TCF4: variants seen among roughly 807,000 people sequenced by gnomAD.
TCF4 encodes the protein transcription factor 4, also known as SL3-3 enhancer factor 2.
Under a neutral mutation model 82.1 loss-of-function variants are expected in TCF4, and 3 were observed. The observed-to-expected ratio is 0.04, with a 90% CI of 0.02 to 0.09. The LOEUF (loss-of-function observed/expected upper bound fraction) is 0.09, where lower values mean the gene tolerates loss of function less well. Ranked by LOEUF, TCF4 falls within the 10% of genes least tolerant of loss-of-function variation. TCF4 has a pLI of 1.00. For synonymous variants in TCF4, 276 were observed against 309.6 expected (o/e 0.89, Z 1.14); for missense variants, 518 against 852.7 (o/e 0.61, Z 4.89).
In TCF4 at chr18:55,293,931, CTTTTTTTTTTTTT is replaced by C. The variant is rs781150808; in HGVS notation, c.550-14288_550-14276del. The stretch of plus-strand genomic sequence containing the variant: ...TTTCATCTTCTAAACTTTCCAAGGA[CTTTTTTTTTTTTT>C]TTTTTTTTTTTTTTTTTTTAGAATT... On this transcript the variant is annotated intron_variant, in intron 8 of 19. Transcript: ENST00000354452. Among the ~76,000 whole-genome samples, 18 of 40,058 alleles carry C rather than the reference CTTTTTTTTTTTTT, an allele frequency of 4.5e-4. 1 individual carries two copies. Among genetic ancestry groups the C allele is most frequent in the South Asian group, 3.4e-3 (2 of 588 alleles). 26.3% of individuals were successfully genotyped at this position (40,058 alleles called of 152,430 possible).
chr18:55,510,259 G>C (rs995262309), intron 3 of TCF4, among the ~76,000 whole-genome samples: 4 of 152,132 alleles, frequency 2.6e-5, no homozygotes, highest in Non-Finnish European at 5.9e-5. Flanking sequence ...AGAGGATCCA[G>C]AATGGTTTCC....
intron 3 of TCF4, among the ~76,000 whole-genome samples, chr18:55,535,539 T>C (rs2097107356): frequency 6.6e-6 from 1 of 152,224 alleles, no homozygotes; most frequent in Admixed American, 6.5e-5. Flanking sequence ...CTACCAAGCT[T>C]TAAAAATTAG....
chr18:55,606,651 G>T (rs891923864), intron 2 of TCF4, among the ~76,000 whole-genome samples: 2 of 152,022 alleles, frequency 1.3e-5, no homozygotes, highest in Non-Finnish European at 2.9e-5. Context: ...CTTAAGCAGG[G>T]TAAATATTTT....
chr18:55,347,983 A>G (rs1241906252), intron 8 of TCF4, among the ~76,000 whole-genome samples: 1 of 152,154 alleles, frequency 6.6e-6, no homozygotes, highest in Non-Finnish European at 1.5e-5. Context: ...TCTCTTATCA[A>G]ATAGTCATAA....
Position 55,275,275 on chromosome 18 carries a change from G to GGAAAAAAAAAAAAAAAAA in TCF4, c.789+343_789+344insTTTTTTTTTTTTTTTTTC, listed in dbSNP as rs1555795909. On this transcript the variant is annotated intron_variant, in intron 10 of 19. Coordinates refer to ENST00000354452, the MANE Select transcript of TCF4 (RefSeq NM_001083962.2). The stretch of plus-strand genomic sequence containing the variant: ...AGTACATCTTTTGAAACTACAGATA[G>GGAAAAAAAAAAAAAAAAA]AAAAAAAAAAAAAAAAAAAAAAACC... Among the ~76,000 whole-genome samples, 2 of 71,376 alleles carry GGAAAAAAAAAAAAAAAAA rather than the reference G, an allele frequency of 2.8e-5. 1 individual carries two copies. The highest frequency in any genetic ancestry group is 1.0e-4 in the African/African-American group (2 of 19,406). 46.8% of individuals were successfully genotyped at this position (71,376 alleles called of 152,430 possible).
At chr18:55,376,836 C>T (rs1309292966) in intron 6 of TCF4, among the ~76,000 whole-genome samples, 1 of 152,152 alleles carries the variant, frequency 6.6e-6, no homozygotes, top group Admixed American at 6.6e-5. Context: ...TTTCTGCCAC[C>T]AAAATAATTA....
intron 3 of TCF4, among the ~76,000 whole-genome samples, chr18:55,483,446 C>T (rs2096470271): frequency 6.6e-6 from 1 of 152,212 alleles, no homozygotes; most frequent in Non-Finnish European, 1.5e-5. Flanking sequence ...GTCCTCTTAA[C>T]ACATTGAAAC....
At chr18:55,626,446 A>T (rs181313293) in intron 2 of TCF4, among the ~76,000 whole-genome samples, 530 of 152,364 alleles carry the variant, frequency 3.5e-3, no homozygotes, top group Middle Eastern at 0.017. Context: ...GCTGTTAAAA[A>T]GTTGAGGACA....
chr18:55,234,430 A>G (rs1293489596), intron 16 of TCF4, 118 bp downstream of exon 16: 17 of 1,449,034 alleles, frequency 1.2e-5, no homozygotes, highest in Non-Finnish European at 1.4e-5. Flanking sequence ...TTTTGTGCCC[A>G]ATTTGATTCC....
Position 55,464,141 on chromosome 18 carries a change from G to A in TCF4, c.146-4C>T. ...GAGCTACTTCTGTCTTCTACATCTA[G>A]GGACAAGAGAAAAGTTCTTTAGGCT... On this transcript the variant is annotated splice_region_variant and splice_polypyrimidine_tract_variant and intron_variant, in intron 3 of 19. Transcript: ENST00000354452. The A allele has an allele frequency of 1.9e-6, 3 of 1,613,878 alleles. No homozygotes were observed. The highest frequency in any genetic ancestry group is 2.2e-5 in the East Asian group (1 of 44,872).
chr18:55,295,792 C>T (rs894000239), intron 8 of TCF4, among the ~76,000 whole-genome samples: 7 of 152,142 alleles, frequency 4.6e-5, no homozygotes, highest in African/African-American at 1.4e-4. Flanking sequence ...GCCATGCTCA[C>T]CCCTGCTTCC....
At chr18:55,494,756 C>T (rs964184697) in intron 3 of TCF4, among the ~76,000 whole-genome samples, 4 of 152,070 alleles carry the variant, frequency 2.6e-5, no homozygotes, top group Admixed American at 6.6e-5. Context: ...TACATGGAAG[C>T]CTTACCAGTA....
intron 17 of TCF4, chr18:55,229,853 A>G (rs2047379101): frequency 6.6e-6 from 1 of 152,282 alleles, no homozygotes; most frequent in South Asian, 2.1e-4. Context: ...GATTCAACAA[A>G]CCAAACACCT....
rs1439634365 is a variant in TCF4, at chr18:55,431,148, A to G, written c.305-27630T>C. On this transcript the variant is annotated intron_variant, in intron 5 of 19. Coordinates refer to ENST00000354452, the MANE Select transcript of TCF4 (RefSeq NM_001083962.2). ...ACATTTTCTTCTAAGACATGGGGGA[A>G]AAAGGAGCCAGTTGGAGTTTAGTTG... Among the ~76,000 whole-genome samples the G allele has an allele frequency of 3.3e-5, 5 of 152,238 alleles. No homozygotes were observed. In the South Asian group the frequency reaches 8.3e-4, roughly 25 times the overall value.
At chr18:55,302,465 C>G (rs1354313245) in intron 8 of TCF4, 5 of 1,536,106 alleles carry the variant, frequency 3.3e-6, no homozygotes, top group Non-Finnish European at 4.4e-6. Context: ...ATCTGAGCAT[C>G]TGCATTGTTT....
chr18:55,523,655 T>C (rs1395425073), intron 3 of TCF4, among the ~76,000 whole-genome samples: 3 of 152,144 alleles, frequency 2.0e-5, no homozygotes, highest in South Asian at 4.1e-4. Flanking sequence ...CTGCAATACA[T>C]AGTATCTCTT....
At chr18:55,300,919 A>G (rs1487513536) in intron 8 of TCF4, among the ~76,000 whole-genome samples, 1 of 152,162 alleles carries the variant, frequency 6.6e-6, no homozygotes, top group Non-Finnish European at 1.5e-5. Flanking sequence ...CGAAGGCAAA[A>G]GGTCACTCTG....
In TCF4 at chr18:55,414,246, A is replaced by T. The variant is rs111753594; in HGVS notation, c.305-10728T>A. ...AGTAAGTAAAGACTATTAAGTAAAA[A>T]TTTATATCATTTATCCAAAACAAAT... On this transcript the variant is annotated intron_variant, in intron 5 of 19. Transcript: ENST00000354452. 2.7e-3 allele frequency among the ~76,000 whole-genome samples: 412 copies of T among 152,290 alleles called. 1 individual carries two copies. The highest frequency in any genetic ancestry group is 9.7e-3 in the African/African-American group (405 of 41,544).
At chr18:55,438,261 C>T (rs1212119982) in intron 5 of TCF4, among the ~76,000 whole-genome samples, 1 of 151,380 alleles carries the variant, frequency 6.6e-6, no homozygotes, top group African/African-American at 2.4e-5. Context: ...TTCCTAGAGG[C>T]CTCTGCTCAG....
Sources: allele counts gnomAD v4.1 joint callset (sites outside exome capture counted in the v4.1 genomes callset), GRCh38; gene constraint gnomAD v4.1.1; transcripts MANE v1.5; gene names NCBI Gene and HGNC (gene_info 2026-07-23, HGNC 2026-07-21).